The following RPL3 variants were observed in gnomAD, a reference collection of about 807,000 sequenced individuals.
RPL3 encodes the protein ribosomal protein L3.
In RPL3, 3 loss-of-function variants were observed where a neutral mutation model predicts 46.0. That is an observed-to-expected ratio of 0.07 (90% CI 0.03 to 0.17). RPL3 has a LOEUF of 0.17. Ranked by LOEUF, RPL3 falls within the 10% of genes least tolerant of loss-of-function variation. The probability of loss-of-function intolerance (pLI) is 1.00; values close to 1 mark genes in which losing one functional copy is unlikely to be tolerated. For synonymous variants in RPL3, 224 were observed against 190.8 expected, an observed-to-expected ratio of 1.17 and a Z score of -1.43; for missense variants, 387 against 532.7, an observed-to-expected ratio of 0.73 and a Z score of 2.69.
At chr22:39,319,243 G>A (rs1922898581) in intron 1 of RPL3, 1 of 509,206 alleles carries the variant, frequency 2.0e-6, no homozygotes, top group African/African-American at 2.0e-5. Flanking sequence ...CTCCACCCAA[G>A]GTCCTTCTAC....
intron 1 of RPL3, 142 bp downstream of exon 1, chr22:39,319,453 G>A (rs1249440933): frequency 7.7e-6 from 9 of 1,161,372 alleles, no homozygotes; most frequent in Non-Finnish European, 1.0e-5. Flanking sequence ...CAGAAAATAG[G>A]CCAGACTGAA....
At chr22:39,314,655 C>G in intron 6 of RPL3, 31 bp downstream of exon 6, 2 of 1,593,738 alleles carry the variant, frequency 1.3e-6, no homozygotes, top group Non-Finnish European at 1.7e-6. Context: ...GGCCTCTTCC[C>G]ACCCCCAGGG....
Position 39,314,099 on chromosome 22 carries a change from T to TTAC in RPL3, c.951+5_951+7dup, listed in dbSNP as rs779522436. 1 of 1,611,096 alleles carries TTAC rather than the reference T, an allele frequency of 6.2e-7. No homozygotes were observed. The highest frequency in any genetic ancestry group is 2.2e-5 in the East Asian group (1 of 44,876). On this transcript the variant is annotated splice_region_variant and intron_variant, in intron 7 of 9. Transcript: ENST00000216146. The stretch of plus-strand genomic sequence containing the variant: ...ATGGCCTCACAGAGCAGAACACCCA[T>TTAC]TACTTACCAGAGGGTTGATGCTCTT...
At chr22:39,317,726 G>T in intron 2 of RPL3, 97 bp from the exon 3 acceptor site, 1 of 1,409,574 alleles carries the variant, frequency 7.1e-7, no homozygotes, top group Non-Finnish European at 9.8e-7. Context: ...GGCCGGAAGG[G>T]CAACTGGGCC....
Position 39,313,174 on chromosome 22 carries a change from CA to C in RPL3, c.1167+16del. 6.2e-7 allele frequency: 1 copy of C among 1,606,162 alleles called. No homozygotes were observed. The highest frequency in any genetic ancestry group is 8.5e-7 in the Non-Finnish European group (1 of 1,176,356). On this transcript the variant is annotated intron_variant, in intron 9 of 9. Transcript: ENST00000216146. The stretch of plus-strand genomic sequence containing the variant: ...AAGCCACCACACCCAGCGAGGGGGG[CA>C]GGCAGAGGTGCTCACCATGAATGCT...
chr22:39,319,243 G>C, intron 1 of RPL3: 1 of 509,206 alleles, frequency 2.0e-6, no homozygotes, highest in Non-Finnish European at 3.7e-6. Flanking sequence ...CTCCACCCAA[G>C]GTCCTTCTAC....
At position 39,315,173 on chromosome 22, in the gene RPL3, C is replaced by A. The variant is rs113747154; in HGVS notation, c.688+196G>T. 273 of 877,892 alleles carry A rather than the reference C, an allele frequency of 3.1e-4. 1 individual carries two copies. The highest frequency in any genetic ancestry group is 1.7e-3 in the Middle Eastern group (8 of 4,672). The allele number at this position is 877,892 out of a possible 1,614,324, so 54.4% of individuals were successfully genotyped here. A position where few individuals can be genotyped will look rare whatever the true frequency, so the allele number is the denominator to read the frequency against. ...GTCCAGGAACGTGTTAAGAAGTTGT[C>A]CCCTGGCCCTCCGCTATCCCAGCCA... On this transcript the variant is annotated intron_variant, in intron 5 of 9. Transcript: ENST00000216146.
At position 39,317,479 on chromosome 22, in the gene RPL3, C is replaced by T; in HGVS notation, c.347G>A (p.Arg116Lys). The T allele has an allele frequency of 6.2e-7, 1 of 1,613,942 alleles. No homozygotes were observed. Among genetic ancestry groups the T allele is most frequent in the South Asian group, 1.1e-5 (1 of 91,078 alleles). The change falls in exon 3 of 10, where the codon AGG (arginine) becomes AAG (lysine). Residue 116 changes from arginine (R) to lysine (K), a missense_variant. By Grantham distance (26) the Arg-to-Lys change is conservative. Coordinates refer to ENST00000216146, the MANE Select transcript of RPL3 (RefSeq NM_000967.4). Reference sequence around the variant, plus strand: ...CCCTTACCAATTCTTATAGAAACGCCTCTTGCATTCATCACTGATGTGCTC... The same window carrying T: ...CCCTTACCAATTCTTATAGAAACGCTTCTTGCATTCATCACTGATGTGCTC... ...FAEHISDECKRRFYKNWHKSK... is the reference protein window; with the variant it reads ...FAEHISDECKKRFYKNWHKSK...
chr22:39,314,403 A>T (rs1922549800), intron 6 of RPL3, 195 bp from the exon 7 acceptor site: 1 of 636,986 alleles, frequency 1.6e-6, no homozygotes, highest in Non-Finnish European at 2.7e-6. Context: ...AAAACTAAAG[A>T]TCCTGCTGTA....
intron 4 of RPL3, among the ~76,000 whole-genome samples, chr22:39,316,460 T>C (rs1469085849): frequency 1.3e-5 from 2 of 152,140 alleles, no homozygotes; most frequent in African/African-American, 4.8e-5. Flanking sequence ...GCTCATCAAC[T>C]AGGTTTCCAG....
intron 6 of RPL3, 140 bp downstream of exon 6, chr22:39,314,546 C>G: frequency 2.9e-6 from 3 of 1,047,822 alleles, no homozygotes; most frequent in Non-Finnish European, 4.1e-6. Flanking sequence ...TGGGCCAGAA[C>G]TGACCATGAG....
At chr22:39,316,146 G>C (rs890598650) in intron 4 of RPL3, among the ~76,000 whole-genome samples, 1 of 151,954 alleles carries the variant, frequency 6.6e-6, no homozygotes, top group African/African-American at 2.4e-5. Flanking sequence ...GGCTGAGGCA[G>C]GAGAATAGCT....
At chr22:39,318,334 T>A in intron 2 of RPL3, 66 bp downstream of exon 2, 1 of 1,549,390 alleles carries the variant, frequency 6.5e-7, no homozygotes, top group Non-Finnish European at 8.8e-7. Flanking sequence ...ACAGCTTGAC[T>A]CCATCTCTAC....
chr22:39,319,023 C>T (rs1212115706), intron 1 of RPL3: 1 of 538,358 alleles, frequency 1.9e-6, no homozygotes, highest in Non-Finnish European at 3.8e-6. Context: ...TACACTGATA[C>T]ACACAGGCCA....
intron 6 of RPL3, 40 bp from the exon 7 acceptor site, chr22:39,314,248 A>G: frequency 6.5e-7 from 1 of 1,546,048 alleles, no homozygotes; most frequent in Non-Finnish European, 8.9e-7. Flanking sequence ...GGCATTAGGG[A>G]CAAATAACCC....
intron 5 of RPL3, 99 bp downstream of exon 5, chr22:39,315,270 G>A (rs374575117): frequency 3.3e-6 from 5 of 1,493,728 alleles, no homozygotes; most frequent in East Asian, 2.3e-5. Context: ...TTCGGGCGCT[G>A]TACCCAGCGC....
Position 39,313,259 on chromosome 22 carries a change from A to C in RPL3, c.1099T>G (p.Phe367Val). The C allele has an allele frequency of 6.2e-7, 1 of 1,612,664 alleles. No homozygotes were observed. The highest frequency in any genetic ancestry group is 8.5e-7 in the Non-Finnish European group (1 of 1,179,446). Residue 367 changes from phenylalanine (F) to valine (V), a missense_variant, in exon 9 of 10, where the codon TTC (phenylalanine) becomes GTC (valine). Physicochemically the swap from Phe to Val is conservative, Grantham distance 50. Around this residue, in one of 5 missense-constraint regions of RPL3, gnomAD observed 131 missense variants for 185.1 expected, o/e 0.71. Coordinates refer to ENST00000216146, the MANE Select transcript of RPL3 (RefSeq NM_000967.4). ...RRALEKIDLK[F>V]IDTTSKFGHG... Reference sequence around the variant, plus strand: ...CCAAACTTGGAGGTGGTGTCAATGAACTTAAGGTCAATCTTCTCCAGAGCC... The same window carrying C: ...CCAAACTTGGAGGTGGTGTCAATGACCTTAAGGTCAATCTTCTCCAGAGCC...
In RPL3 at chr22:39,317,448, C is replaced by G. The variant is rs369810755; in HGVS notation, c.365+13G>C. ...AGCTCCCAAGCTAGGGACTGCATGG[C>G]CTCCTCCCTTACCAATTCTTATAGA... On this transcript the variant is annotated intron_variant, in intron 3 of 9. Coordinates refer to ENST00000216146, the MANE Select transcript of RPL3 (RefSeq NM_000967.4). The G allele has an allele frequency of 2.2e-4, 356 of 1,611,332 alleles. 2 individuals carry two copies. In the African/African-American group the frequency reaches 4.5e-3, roughly 20 times the overall value.
At chr22:39,314,330 T>C (rs1042561045) in intron 6 of RPL3, 122 bp from the exon 7 acceptor site, 3 of 850,768 alleles carry the variant, frequency 3.5e-6, no homozygotes, top group South Asian at 1.6e-5. Context: ...TCACAGCGTA[T>C]CCCAAGGTCA....
Sources: allele counts gnomAD v4.1 joint callset (sites outside exome capture counted in the v4.1 genomes callset), GRCh38; gene constraint gnomAD v4.1.1; regional missense constraint gnomAD v4.1.1; transcripts MANE v1.5; gene names NCBI Gene and HGNC (gene_info 2026-07-23, HGNC 2026-07-21).